The following ABCB6 variants were observed in gnomAD, a reference collection of about 807,000 sequenced individuals.
The protein encoded by ABCB6 is ATP binding cassette subfamily B member 6 (LAN blood group).
Under a neutral mutation model 99.4 loss-of-function variants are expected in ABCB6, and 87 were observed. The ratio of observed to expected loss-of-function variants is 0.88; its 90% CI spans 0.74 to 1.05. The LOEUF (loss-of-function observed/expected upper bound fraction) is 1.05, where lower values mean the gene tolerates loss of function less well. Among genes scored for constraint, ABCB6 ranks in the 50% least tolerant of loss-of-function variants. The probability of loss-of-function intolerance (pLI) is 0.00; values close to 1 mark genes in which losing one functional copy is unlikely to be tolerated. For missense variants in ABCB6, 1,050 were observed against 1,097.9 expected (o/e 0.96, Z 0.62); for synonymous variants, 482 against 447.5 (o/e 1.08, Z -0.97).
chr2:219,211,129 A>G (rs1559235011), intron 14 of ABCB6, 21 bp from the exon 15 acceptor site: 9 of 1,612,822 alleles, frequency 5.6e-6, no homozygotes, highest in East Asian at 2.2e-5. Flanking sequence ...AAGACCACAC[A>G]CTCTGCCTTA....
chr2:219,213,153 T>A, intron 12 of ABCB6, 88 bp from the exon 13 acceptor site: 1 of 1,605,100 alleles, frequency 6.2e-7, no homozygotes, highest in Non-Finnish European at 8.5e-7. Flanking sequence ...CAGGCTCTTT[T>A]CCAAAAGCAG....
At position 219,213,299 on chromosome 2, in the gene ABCB6, G is replaced by C; in HGVS notation, c.1747C>G (p.Leu583Val). ...EVKDLPGAGPLRFQKGRIEFE... is the reference protein window; with the variant it reads ...EVKDLPGAGPVRFQKGRIEFE... ...TCAATACGGCCCTTCTGAAAGCGAAGGGGCCCTGCTCCAGGAAGGTCCTTC... is the reference window on the plus strand; with the variant it reads ...TCAATACGGCCCTTCTGAAAGCGAACGGGCCCTGCTCCAGGAAGGTCCTTC... Residue 583 changes from leucine (L) to valine (V), a missense_variant, in exon 12 of 19, where the codon CTT (leucine) becomes GTT (valine). By Grantham distance (32) the Leu-to-Val change is conservative (BLOSUM62 1). Coordinates refer to ENST00000265316, the MANE Select transcript of ABCB6 (RefSeq NM_005689.4). 1 of 1,614,114 alleles carries C rather than the reference G, an allele frequency of 6.2e-7. No homozygotes were observed. Among genetic ancestry groups the C allele is most frequent in the South Asian group, 1.1e-5 (1 of 91,082 alleles).
In ABCB6 at chr2:219,216,595, C is replaced by T; in HGVS notation, c.868+57G>A. On this transcript the variant is annotated intron_variant, in intron 3 of 18. Coordinates refer to ENST00000265316, the MANE Select transcript of ABCB6 (RefSeq NM_005689.4). This position sits in a 1 kb window ranked among gnomAD's most constrained non-coding sequence, Gnocchi z 4.2. ...TCCCACCTCCCTAGGTAAGGACCAT[C>T]CCAGCCACCAGGCTGATGAAGGACC... is the stretch of plus-strand genomic sequence containing the variant. 9 of 1,538,044 alleles carry T rather than the reference C, an allele frequency of 5.9e-6. No homozygotes were observed. The highest frequency in any genetic ancestry group is 7.9e-6 in the Non-Finnish European group (9 of 1,136,526).
chr2:219,216,327 C>G lies in ABCB6; in HGVS notation c.970+37G>C. On this transcript the variant is annotated intron_variant, in intron 4 of 18. Transcript: ENST00000265316. The surrounding 1 kb of genome is among the most constrained non-coding windows in gnomAD (Gnocchi z 4.2). Reference sequence around the variant, plus strand: ...GCTGAGGGAATGCCTGTGGGAGGGACCTATACCTAGCAGGGTGAGGGCGGA... The same window carrying G: ...GCTGAGGGAATGCCTGTGGGAGGGAGCTATACCTAGCAGGGTGAGGGCGGA... 2.5e-6 allele frequency: 4 copies of G among 1,600,992 alleles called. No individual in the cohort carries two copies. Among genetic ancestry groups the G allele is most frequent in the Non-Finnish European group, 2.6e-6 (3 of 1,168,402 alleles).
At chr2:219,214,580 T>G (rs992366865) in intron 6 of ABCB6, 82 bp from the exon 7 acceptor site, 7 of 1,021,698 alleles carry the variant, frequency 6.9e-6, no homozygotes, top group African/African-American at 3.1e-5. Flanking sequence ...CTACCTGCCA[T>G]GTACACACTA....
At chr2:219,210,522 C>T (rs369046834) in intron 16 of ABCB6, 47 bp from the exon 17 acceptor site, 13 of 1,604,918 alleles carry the variant, frequency 8.1e-6, no homozygotes, top group Non-Finnish European at 1.1e-5. Context: ...TCAAAACCCT[C>T]AATGGAAGGA....
At position 219,218,584 on chromosome 2, in the gene ABCB6, C is replaced by T. The variant is rs759996497; in HGVS notation, c.90G>A (p.Thr30=). The change falls in exon 1 of 19, where the codon ACG becomes ACA. Residue 30 remains threonine (T), a synonymous_variant. Coordinates refer to ENST00000265316, the MANE Select transcript of ABCB6 (RefSeq NM_005689.4). ...GAGCCATCCGCGTCGAGGGCACGAG[C>T]GTGAAGAAGAAGCAGGGACTCAGGC... ...QDGLSPCFFF[T]LVPSTRMALG... is the part of the protein sequence containing the mutation. 1 of 1,612,636 alleles carries T rather than the reference C, an allele frequency of 6.2e-7. No individual in the cohort carries two copies. The highest frequency in any genetic ancestry group is 8.5e-7 in the Non-Finnish European group (1 of 1,179,686).
In ABCB6 at chr2:219,218,578, C is replaced by T; in HGVS notation, c.96G>A (p.Val32=). The change falls in exon 1 of 19, where the codon GTG becomes GTA. Residue 32 remains valine (V), a synonymous_variant. Transcript: ENST00000265316. The part of the protein sequence containing the change: ...GLSPCFFFTL[V]PSTRMALGTL... Reference sequence around the variant, plus strand: ...TCCCCAGAGCCATCCGCGTCGAGGGCACGAGCGTGAAGAAGAAGCAGGGAC... The same window carrying T: ...TCCCCAGAGCCATCCGCGTCGAGGGTACGAGCGTGAAGAAGAAGCAGGGAC... 1 of 1,612,642 alleles carries T rather than the reference C, an allele frequency of 6.2e-7. No individual in the cohort carries two copies. Among genetic ancestry groups the T allele is most frequent in the Non-Finnish European group, 8.5e-7 (1 of 1,179,688 alleles).
Position 219,210,389 on chromosome 2 carries a change from C to T in ABCB6, c.2343G>A (p.Val781=). 6.2e-7 allele frequency: 1 copy of T among 1,614,188 alleles called. No individual in the cohort carries two copies. The highest frequency in any genetic ancestry group is 8.5e-7 in the Non-Finnish European group (1 of 1,180,030). ...GGCCTGTAGTCCTGTACCTGTGTGC[C>T]ACTACGATGGTGGTGCGGTTGGCAC... The part of the protein sequence containing the change: ...KVCANRTTIV[V]AHRLSTVVNA... Residue 781 remains valine, a synonymous_variant, in exon 17 of 19, where the codon GTG becomes GTA. Coordinates refer to ENST00000265316, the MANE Select transcript of ABCB6 (RefSeq NM_005689.4).
intron 13 of ABCB6, 40 bp from the exon 14 acceptor site, chr2:219,212,531 C>T (rs1553560448): frequency 6.5e-7 from 1 of 1,528,150 alleles, no homozygotes; most frequent in East Asian, 2.3e-5. Context: ...GGCCCACTGG[C>T]TTTTTTTTTG....
rs768065738 is a variant in ABCB6 at position 219,213,441 on chromosome 2, C to T, written c.1717G>A (p.Glu573Lys). 2 of 1,614,128 alleles carry T rather than the reference C, an allele frequency of 1.2e-6. No individual in the cohort carries two copies. The highest frequency in any genetic ancestry group is 4.5e-5 in the East Asian group (2 of 44,900). ...NMFDLLKEETEVKDLPGAGPL... is the reference protein window; with the variant it reads ...NMFDLLKEETKVKDLPGAGPL... ...CCTACTCCTCTCCCTTCGCTCACTT[C>T]TGTCTCCTCTTTCAGCAAGTCAAAC... The change falls in exon 11 of 19, where the codon GAA (glutamate) becomes AAA (lysine). Residue 573 changes from glutamate (E) to lysine (K), a missense_variant and splice_region_variant. Transcript: ENST00000265316.
Position 219,216,387 on chromosome 2 carries a change from T to C in ABCB6, c.947A>G (p.Gln316Arg). ...VTSYVFLKFL[Q>R]GGGTGSTGFV... ...ACCTGTACTGCCAGTGCCACCCCCC[T>C]GGAGGAACTTGAGGAAGACGTAACT... The change falls in exon 4 of 19, where the codon CAG becomes CGG. Residue 316 changes from glutamine (Q) to arginine (R), a missense_variant. Gln to Arg is a conservative substitution (Grantham distance 43). Transcript: ENST00000265316. This position sits in a 1 kb window ranked among gnomAD's most constrained non-coding sequence, Gnocchi z 4.2. 6.2e-7 allele frequency: 1 copy of C among 1,614,008 alleles called. No individual in the cohort carries two copies. The highest frequency in any genetic ancestry group is 8.5e-7 in the Non-Finnish European group (1 of 1,179,964).
At chr2:219,212,257 T>C (rs764160013) in intron 14 of ABCB6, 130 bp downstream of exon 14, 3 of 700,056 alleles carry the variant, frequency 4.3e-6, no homozygotes, top group African/African-American at 1.8e-5. Context: ...TGTGTGACTG[T>C]AGGTTATATC....
chr2:219,213,664 A>G lies in ABCB6; in HGVS notation c.1581T>C (p.Val527=). Residue 527 remains valine (V), a splice_region_variant and synonymous_variant, in exon 10 of 19, where the codon GTT becomes GTC. Coordinates refer to ENST00000265316, the MANE Select transcript of ABCB6 (RefSeq NM_005689.4). ...AYFVTEQKLQ[V]GDYVLFGTYI... ...AGGTGCCAAAGAGCACATAGTCCCCAACCTGTGGCAATCAAGGAAGCAGAG... is the reference window on the plus strand; with the variant it reads ...AGGTGCCAAAGAGCACATAGTCCCCGACCTGTGGCAATCAAGGAAGCAGAG... The G allele has an allele frequency of 6.2e-7, 1 of 1,614,164 alleles. No individual in the cohort carries two copies. The highest frequency in any genetic ancestry group is 8.5e-7 in the Non-Finnish European group (1 of 1,180,040).
chr2:219,212,259 G>C (rs1950587963), intron 14 of ABCB6, 128 bp downstream of exon 14: 1 of 716,036 alleles, frequency 1.4e-6, no homozygotes, highest in East Asian at 2.6e-5. Flanking sequence ...TGTGACTGTA[G>C]GTTATATCAT....
Position 219,213,499 on chromosome 2 carries a change from C to T in ABCB6, c.1659G>A (p.Met553Ile). ...PLNWFGTYYR[M>I]IQTNFIDMEN... is the part of the protein sequence containing the mutation. ...CCATGTCAATGAAGTTGGTCTGGAT[C>T]ATCCTGCAAAAAGGTGCTGGTTAGG... Residue 553 changes from methionine to isoleucine, a missense_variant, in exon 11 of 19, where the codon ATG (methionine) becomes ATA (isoleucine). Transcript: ENST00000265316. The T allele has an allele frequency of 6.2e-7, 1 of 1,614,206 alleles. No individual in the cohort carries two copies. Among genetic ancestry groups the T allele is most frequent in the Non-Finnish European group, 8.5e-7 (1 of 1,180,042 alleles).
In ABCB6 at chr2:219,210,048, T is replaced by G. The variant is rs772531740; in HGVS notation, c.2421-2A>C. 3 of 1,613,810 alleles carry G rather than the reference T, an allele frequency of 1.9e-6. No individual in the cohort carries two copies. In the South Asian group the frequency reaches 3.3e-5, roughly 18 times the overall value. On this transcript the variant is annotated splice_acceptor_variant, in intron 18 of 18. Transcript: ENST00000265316. LOFTEE classifies it high-confidence loss of function. ...CCTCGGGACAACAGAGCCTCGTGTCTGGGGTGAGGAGAAAAGTGTGAGTCC... is the reference window on the plus strand; with the variant it reads ...CCTCGGGACAACAGAGCCTCGTGTCGGGGGTGAGGAGAAAAGTGTGAGTCC...
At chr2:219,214,620 T>A in intron 6 of ABCB6, 122 bp from the exon 7 acceptor site, 1 of 751,168 alleles carries the variant, frequency 1.3e-6, no homozygotes, top group Non-Finnish European at 2.3e-6. Flanking sequence ...ACACCCAGAT[T>A]CCACAGGGAG....
chr2:219,210,711 C>T lies in ABCB6; in HGVS notation c.2256G>A (p.Glu752=). The T allele has an allele frequency of 6.2e-7, 1 of 1,613,606 alleles. No individual in the cohort carries two copies. ...LKAPGIILLD[E]ATSALDTSNE... The stretch of plus-strand genomic sequence containing the variant: ...GGAGGGGAGGAGACCCAGGGCGCAC[C>T]TCATCCAGCAGAATGATGCCCGGAG... Residue 752 remains glutamate (E), a splice_region_variant and synonymous_variant, in exon 16 of 19, where the codon GAG becomes GAA. Coordinates refer to ENST00000265316, the MANE Select transcript of ABCB6 (RefSeq NM_005689.4).
Sources: allele counts gnomAD v4.1 joint callset, GRCh38; gene constraint gnomAD v4.1.1; non-coding constraint Gnocchi (gnomAD v3.1); transcripts MANE v1.5; gene names NCBI Gene and HGNC (gene_info 2026-07-23, HGNC 2026-07-21).